The following TMEM45A variants were observed in gnomAD, a reference collection of about 807,000 sequenced individuals.
TMEM45A encodes the protein transmembrane protein 45A, also known as DNA polymerase-transactivated protein 4.
Under a neutral mutation model 32.0 loss-of-function variants are expected in TMEM45A, and 25 were observed. The observed-to-expected ratio is 0.78, with a 90% CI of 0.57 to 1.09. TMEM45A has a LOEUF of 1.09. TMEM45A is among the 50% of genes least tolerant of loss of function. The pLI is 0.00. For missense variants in TMEM45A, 302 were observed against 325.0 expected, an observed-to-expected ratio of 0.93 and a Z score of 0.54; for synonymous variants, 122 against 114.8, an observed-to-expected ratio of 1.06 and a Z score of -0.40.
intron 5 of TMEM45A, chr3:100,573,810 G>C (rs1706623531): frequency 6.6e-6 from 1 of 150,716 alleles, no homozygotes; most frequent in Non-Finnish European, 1.5e-5. Context: ...TTAGCATGAA[G>C]GGTTGTTGAA....
intron 1 of TMEM45A, among the ~76,000 whole-genome samples, chr3:100,504,414 G>A (rs534381123): frequency 6.6e-6 from 1 of 152,172 alleles, no homozygotes; most frequent in Admixed American, 6.5e-5. Flanking sequence ...CTGCTGCAAG[G>A]GTCTCCTGAC....
At chr3:100,507,197 C>G (rs1054315263) in intron 1 of TMEM45A, among the ~76,000 whole-genome samples, 21 of 152,346 alleles carry the variant, frequency 1.4e-4, no homozygotes, top group Admixed American at 9.8e-4. Flanking sequence ...CAACCTGACA[C>G]TCTGTCATTA....
chr3:100,518,103 T>C (rs1049766860), intron 1 of TMEM45A, among the ~76,000 whole-genome samples: 6 of 152,218 alleles, frequency 3.9e-5, no homozygotes, highest in Non-Finnish European at 5.9e-5. Context: ...GGAAGGCTAG[T>C]TAAGAAGCAG....
At chr3:100,514,385 C>T (rs1252331729) in intron 1 of TMEM45A, among the ~76,000 whole-genome samples, 2 of 152,134 alleles carry the variant, frequency 1.3e-5, no homozygotes, top group Admixed American at 1.3e-4. Flanking sequence ...AAAGGATTCC[C>T]TATTTAATAT....
At chr3:100,537,777 C>G (rs1705771495) in intron 1 of TMEM45A, among the ~76,000 whole-genome samples, 1 of 152,236 alleles carries the variant, frequency 6.6e-6, no homozygotes, top group Admixed American at 6.5e-5. Flanking sequence ...AATAGCAACT[C>G]TCTCCTTTAG....
At chr3:100,567,187 A>T (rs2148993090) in intron 4 of TMEM45A, among the ~76,000 whole-genome samples, 1 of 151,890 alleles carries the variant, frequency 6.6e-6, no homozygotes, top group Middle Eastern at 3.4e-3. Flanking sequence ...AGTTAATTTT[A>T]TATATGAGGT....
At chr3:100,531,280 G>A (rs190759984) in intron 1 of TMEM45A, among the ~76,000 whole-genome samples, 109 of 151,302 alleles carry the variant, frequency 7.2e-4, no homozygotes, top group African/African-American at 2.3e-3. Flanking sequence ...ATGTTCTTTT[G>A]TGTGTGTCTG....
At chr3:100,494,950 C>T (rs911836311) in intron 1 of TMEM45A, among the ~76,000 whole-genome samples, 1 of 152,134 alleles carries the variant, frequency 6.6e-6, no homozygotes, top group East Asian at 1.9e-4. Context: ...GGGGTTGTCT[C>T]GAGTACTGAG....
chr3:100,519,433 G>C, intron 1 of TMEM45A: 2 of 749,154 alleles, frequency 2.7e-6, no homozygotes, highest in Non-Finnish European at 4.5e-6. Context: ...AAGATGTCAA[G>C]TTTCAGCCTA....
chr3:100,555,785 C>T (rs1706209142), intron 2 of TMEM45A, among the ~76,000 whole-genome samples: 1 of 152,146 alleles, frequency 6.6e-6, no homozygotes, highest in South Asian at 2.1e-4. Flanking sequence ...GATAAAATTT[C>T]CAGTTTTCCC....
intron 1 of TMEM45A, among the ~76,000 whole-genome samples, chr3:100,542,303 T>C (rs1393848929): frequency 6.6e-6 from 1 of 152,236 alleles, no homozygotes; most frequent in Non-Finnish European, 1.5e-5. Flanking sequence ...TGTTTTTCCA[T>C]TTGTTTATGT....
chr3:100,538,820 G>C (rs2148964114), intron 1 of TMEM45A, among the ~76,000 whole-genome samples: 1 of 151,754 alleles, frequency 6.6e-6, no homozygotes, highest in South Asian at 2.1e-4. Flanking sequence ...ATGAACAACT[G>C]GAATTCAAAA....
chr3:100,532,486 C>G (rs909919242), intron 1 of TMEM45A, among the ~76,000 whole-genome samples: 1 of 152,186 alleles, frequency 6.6e-6, no homozygotes, highest in African/African-American at 2.4e-5. Flanking sequence ...TCAGGTGATG[C>G]GGCCGGCCCA....
chr3:100,507,989 A>G (rs1329847277), intron 1 of TMEM45A, among the ~76,000 whole-genome samples: 2 of 151,396 alleles, frequency 1.3e-5, no homozygotes, highest in Non-Finnish European at 2.9e-5. Flanking sequence ...TTAAGAGAGA[A>G]CACAGGAACT....
intron 1 of TMEM45A, among the ~76,000 whole-genome samples, chr3:100,504,314 G>A (rs1194918475): frequency 6.6e-6 from 1 of 151,630 alleles, no homozygotes; most frequent in Non-Finnish European, 1.5e-5. Flanking sequence ...ATATTTAAAA[G>A]CCTCTAAACA....
intron 3 of TMEM45A, 92 bp from the exon 4 acceptor site, chr3:100,558,313 T>G (rs1706263004): frequency 2.0e-6 from 3 of 1,480,486 alleles, no homozygotes. Flanking sequence ...TGTGTGTATG[T>G]GTAAAATTCT....
At chr3:100,512,751 G>A (rs1576262109) in intron 1 of TMEM45A, among the ~76,000 whole-genome samples, 1 of 151,066 alleles carries the variant, frequency 6.6e-6, no homozygotes, top group East Asian at 1.9e-4. Context: ...GAAAAAAAGA[G>A]AGAAGAATCA....
In TMEM45A at chr3:100,555,403, T is replaced by G. The variant is rs879056763; in HGVS notation, c.190+2T>G. 6.2e-7 allele frequency: 1 copy of G among 1,612,202 alleles called. No individual in the cohort carries two copies. The highest frequency in any genetic ancestry group is 8.5e-7 in the Non-Finnish European group (1 of 1,178,768). On this transcript the variant is annotated splice_donor_variant, in intron 2 of 5. Coordinates refer to ENST00000323523, the MANE Select transcript of TMEM45A (RefSeq NM_018004.3). LOFTEE classifies it high-confidence loss of function. ...CAATAGTTGGCATGGCTTTAACTGGTGAGTGGACCATTCTGTGTTCTATTT... is the reference window on the plus strand; with the variant it reads ...CAATAGTTGGCATGGCTTTAACTGGGGAGTGGACCATTCTGTGTTCTATTT...
At chr3:100,524,164 G>A (rs925671136) in intron 1 of TMEM45A, among the ~76,000 whole-genome samples, 3 of 152,230 alleles carry the variant, frequency 2.0e-5, no homozygotes, top group African/African-American at 7.2e-5. Flanking sequence ...GACTTGTTAT[G>A]TGTGGCTTCT....
Sources: allele counts gnomAD v4.1 joint callset (sites outside exome capture counted in the v4.1 genomes callset), GRCh38; gene constraint gnomAD v4.1.1; transcripts MANE v1.5; gene names NCBI Gene and HGNC (gene_info 2026-07-23, HGNC 2026-07-21).